KPNA6: variants seen among roughly 807,000 people sequenced by gnomAD.
The protein encoded by KPNA6 is karyopherin subunit alpha 6.
A neutral mutation model predicts 72.0 loss-of-function variants in KPNA6; 9 were observed. The ratio of observed to expected loss-of-function variants is 0.13; its 90% CI spans 0.08 to 0.22. KPNA6 has a LOEUF of 0.22. KPNA6 is among the 10% of genes least tolerant of loss of function. KPNA6 has a pLI of 1.00. For synonymous variants in KPNA6, 219 were observed against 242.1 expected (o/e 0.90, Z 0.89); for missense variants, 374 against 655.7 (o/e 0.57, Z 4.69).
intron 6 of KPNA6, among the ~76,000 whole-genome samples, chr1:32,159,785 GT>G (rs768066556): frequency 1.1e-4 from 17 of 152,144 alleles, no homozygotes; most frequent in Non-Finnish European, 1.6e-4. Context: ...TGGACACATG[GT>G]TGGTATCAGA....
At chr1:32,167,332 T>C (rs1327810016) in intron 12 of KPNA6, 36 bp downstream of exon 12, 1 of 1,612,768 alleles carries the variant, frequency 6.2e-7, no homozygotes, top group East Asian at 2.2e-5. Context: ...TGAATGATAA[T>C]GGATGCTCTC....
rs1332949158 is a variant in KPNA6, at chr1:32,175,719, G to T, written c.*4825G>T. 1 of 147,972 alleles carries T rather than the reference G, an allele frequency of 6.8e-6. No individual in the cohort carries two copies. Among genetic ancestry groups the T allele is most frequent in the Non-Finnish European group, 1.5e-5 (1 of 67,654 alleles). The allele number at this position is 147,972 out of a possible 1,614,324, so 9.2% of individuals were successfully genotyped here. A position where few individuals can be genotyped will look rare whatever the true frequency, so the allele number is the denominator to read the frequency against. ...AATCACTTGAACCCAGGAGGCGGAGGTTGCAGTGAGCCAAGATCATGCCAC... is the reference window on the plus strand; with the variant it reads ...AATCACTTGAACCCAGGAGGCGGAGTTTGCAGTGAGCCAAGATCATGCCAC... On this transcript the variant is annotated 3_prime_UTR_variant, in exon 14 of 14. Coordinates refer to ENST00000373625, the MANE Select transcript of KPNA6 (RefSeq NM_012316.5).
chr1:32,116,327 T>G (rs1018277556), intron 1 of KPNA6, among the ~76,000 whole-genome samples: 5 of 151,292 alleles, frequency 3.3e-5, no homozygotes, highest in Non-Finnish European at 7.4e-5. Context: ...TTTTAAACAT[T>G]TGTGTGTTCA....
intron 1 of KPNA6, among the ~76,000 whole-genome samples, chr1:32,128,426 T>C (rs61012071): frequency 0.16 from 16,207 of 98,566 alleles, 1,461 homozygotes; most frequent in East Asian, 0.31. Context: ...TATATATATA[T>C]ACACACACAC....
intron 2 of KPNA6, among the ~76,000 whole-genome samples, chr1:32,154,924 A>G (rs1642109049): frequency 6.6e-6 from 1 of 152,008 alleles, no homozygotes; most frequent in Admixed American, 6.6e-5. Context: ...CCTGGCCAAC[A>G]TGGTGAAACT....
rs1642178970 is a variant in KPNA6 at position 32,158,290 on chromosome 1, G to A, written c.355G>A (p.Val119Ile). The change falls in exon 5 of 14, where the codon GTT (valine) becomes ATT (isoleucine). Residue 119 changes from valine (V) to isoleucine (I), a missense_variant. By Grantham distance (29) the Val-to-Ile change is conservative. Transcript: ENST00000373625. Reference protein sequence around the residue: ...SKEPSPPIDEVINTPRVVDRF... With the variant: ...SKEPSPPIDEIINTPRVVDRF... ...AGAGCCTAGTCCTCCAATAGATGAA[G>A]TTATCAACACTCCAAGAGTGGTGGA... 1.2e-6 allele frequency: 2 copies of A among 1,612,886 alleles called. No individual in the cohort carries two copies. The highest frequency in any genetic ancestry group is 1.7e-6 in the Non-Finnish European group (2 of 1,178,972).
chr1:32,167,121 C>T (rs766680649), intron 11 of KPNA6, 48 bp from the exon 12 acceptor site: 3 of 1,600,268 alleles, frequency 1.9e-6, no homozygotes, highest in Non-Finnish European at 1.7e-6. Flanking sequence ...ATTTATCATG[C>T]TGAAATGACT....
chr1:32,115,504 G>A (rs1181478028), intron 1 of KPNA6, among the ~76,000 whole-genome samples: 1 of 151,302 alleles, frequency 6.6e-6, no homozygotes, highest in Admixed American at 6.6e-5. Context: ...ATAGCACACT[G>A]CAACCTCTAA....
At chr1:32,141,579 T>G (rs1641839594) in intron 1 of KPNA6, among the ~76,000 whole-genome samples, 1 of 151,640 alleles carries the variant, frequency 6.6e-6, no homozygotes. Flanking sequence ...TATATTTTTG[T>G]AGAGACAGGA....
chr1:32,161,374 A>G (rs1390135106), intron 7 of KPNA6, among the ~76,000 whole-genome samples: 1 of 152,206 alleles, frequency 6.6e-6, no homozygotes, highest in Non-Finnish European at 1.5e-5. Context: ...GTCGTAAATT[A>G]TAGATCAAAG....
chr1:32,142,789 G>A (rs962245392), intron 1 of KPNA6: 4 of 363,016 alleles, frequency 1.1e-5, no homozygotes, highest in African/African-American at 6.4e-5. Context: ...AGCCGCTGGC[G>A]TGCTGGATCC....
chr1:32,163,019 G>C (rs1570067930), intron 9 of KPNA6, among the ~76,000 whole-genome samples: 1 of 142,760 alleles, frequency 7.0e-6, no homozygotes, highest in South Asian at 2.3e-4. Context: ...CAGGAGAATG[G>C]CGTGAACCCG....
At chr1:32,159,635 T>C in intron 6 of KPNA6, 104 bp downstream of exon 6, 1 of 1,318,756 alleles carries the variant, frequency 7.6e-7, no homozygotes, top group East Asian at 2.4e-5. Flanking sequence ...ACTCTTGGAA[T>C]TTCCTGAGTG....
intron 1 of KPNA6, among the ~76,000 whole-genome samples, chr1:32,123,682 G>C (rs185569166): frequency 5.6e-4 from 84 of 149,504 alleles, no homozygotes; most frequent in African/African-American, 2.0e-3. Context: ...TGAGGTTGCA[G>C]TGAGCCAAGA....
At chr1:32,131,173 A>G (rs2124535190) in intron 1 of KPNA6, among the ~76,000 whole-genome samples, 1 of 152,320 alleles carries the variant, frequency 6.6e-6, no homozygotes, top group East Asian at 1.9e-4. Context: ...GGGCGTCTGT[A>G]ATCCCAGCTA....
At chr1:32,135,657 A>G (rs6691578) in intron 1 of KPNA6, among the ~76,000 whole-genome samples, 2,312 of 146,194 alleles carry the variant, frequency 0.016, 49 homozygotes, top group African/African-American at 0.054. Context: ...TTTTAGAGGC[A>G]GGGTCTAATT....
intron 1 of KPNA6, among the ~76,000 whole-genome samples, chr1:32,118,997 CATATATATATATATATATATATAT>C (rs71578197): frequency 2.3e-3 from 135 of 59,830 alleles, no homozygotes; most frequent in African/African-American, 7.3e-3. Context: ...TGTGTGTATA[CATATATATATATATATATATATAT>C]ATATATATAT....
intron 1 of KPNA6, among the ~76,000 whole-genome samples, chr1:32,118,585 A>C (rs1236180747): frequency 6.6e-6 from 1 of 151,914 alleles, no homozygotes; most frequent in Non-Finnish European, 1.5e-5. Flanking sequence ...GGTTGAGGCA[A>C]GGAGTTCCAG....
chr1:32,141,374 C>CTTT (rs1641833285), intron 1 of KPNA6, among the ~76,000 whole-genome samples: 1 of 50,036 alleles, frequency 2.0e-5, no homozygotes, highest in Non-Finnish European at 4.2e-5. Context: ...TTAAGTTAAT[C>CTTT]CTTTTTTTTT....
Sources: allele counts gnomAD v4.1 joint callset (sites outside exome capture counted in the v4.1 genomes callset), GRCh38; gene constraint gnomAD v4.1.1; transcripts MANE v1.5; gene names NCBI Gene and HGNC (gene_info 2026-07-23, HGNC 2026-07-21).